Variants in ATP8A2 observed in about 807,000 individuals in gnomAD.
ATP8A2 encodes the protein phospholipid-transporting ATPase IB.
A neutral mutation model predicts 165.6 loss-of-function variants in ATP8A2; 100 were observed. The observed-to-expected ratio is 0.60, with a 90% CI of 0.51 to 0.71. The LOEUF is 0.71. ATP8A2 is among the 30% of genes least tolerant of loss of function. ATP8A2 has a pLI of 0.00. For synonymous variants in ATP8A2, 543 were observed against 548.8 expected, an observed-to-expected ratio of 0.99 and a Z score of 0.15; for missense variants, 1,227 against 1,479.5, an observed-to-expected ratio of 0.83 and a Z score of 2.80.
At chr13:25,613,448 C>T (rs755501063) in intron 24 of ATP8A2, among the ~76,000 whole-genome samples, 9 of 152,190 alleles carry the variant, frequency 5.9e-5, no homozygotes, top group Non-Finnish European at 1.2e-4. Context: ...GTGGTGTGCA[C>T]CTGTAGTCCC....
intron 1 of ATP8A2, among the ~76,000 whole-genome samples, chr13:25,383,795 T>A (rs2032941263): frequency 6.6e-6 from 1 of 152,144 alleles, no homozygotes; most frequent in South Asian, 2.1e-4. Context: ...AGTGACCCTC[T>A]CCAAACAAAA....
At chr13:25,869,960 G>T (rs916909913) in intron 33 of ATP8A2, among the ~76,000 whole-genome samples, 3 of 152,216 alleles carry the variant, frequency 2.0e-5, no homozygotes, top group Admixed American at 1.3e-4. Flanking sequence ...TGTATCCCAG[G>T]TTCTTGCCTT....
chr13:25,785,507 A>G (rs1356501595), intron 27 of ATP8A2, among the ~76,000 whole-genome samples: 1 of 152,056 alleles, frequency 6.6e-6, no homozygotes. Flanking sequence ...TTTCCTTGCT[A>G]AGTTTTCTTT....
intron 24 of ATP8A2, among the ~76,000 whole-genome samples, chr13:25,631,448 C>G (rs538921604): frequency 6.6e-6 from 1 of 152,140 alleles, no homozygotes; most frequent in Admixed American, 6.5e-5. Flanking sequence ...AGGTCTACTC[C>G]AGGTATTTTT....
chr13:25,551,389 G>T lies in ATP8A2; in HGVS notation c.943G>T (p.Val315Leu), dbSNP rs200359090. The T allele has an allele frequency of 4.7e-5, 76 of 1,614,112 alleles. 1 individual carries two copies. In the South Asian group the frequency reaches 7.6e-4, roughly 16 times the overall value. The change falls in exon 11 of 37, where the codon GTG (valine) becomes TTG (leucine). Residue 315 changes from valine to leucine, a missense_variant. This residue lies in a region of ATP8A2 where 356 missense variants were observed against 394.9 expected (regional missense o/e 0.90). Coordinates refer to ENST00000381655, the MANE Select transcript of ATP8A2 (RefSeq NM_016529.6). The stretch of plus-strand genomic sequence containing the variant: ...ATCAAATGTTGAGAAGGTGACTAAC[G>T]TGCAGATCCTGGTGTTGTTTGGCAT... ...KRSNVEKVTN[V>L]QILVLFGILL... is the part of the protein sequence containing the mutation.
intron 25 of ATP8A2, among the ~76,000 whole-genome samples, chr13:25,725,777 A>G (rs2043480558): frequency 6.6e-6 from 1 of 152,122 alleles, no homozygotes; most frequent in Non-Finnish European, 1.5e-5. Context: ...TTTTTGTCTT[A>G]TAGATCAATC....
chr13:25,617,959 A>C (rs896289411), intron 24 of ATP8A2, among the ~76,000 whole-genome samples: 1 of 152,184 alleles, frequency 6.6e-6, no homozygotes, highest in African/African-American at 2.4e-5. Flanking sequence ...ATATTAAATC[A>C]GTGTTAGAAT....
chr13:25,868,795 A>C (rs1952595614), intron 33 of ATP8A2, among the ~76,000 whole-genome samples: 1 of 152,078 alleles, frequency 6.6e-6, no homozygotes, highest in Non-Finnish European at 1.5e-5. Context: ...AGAACCAAAA[A>C]CAAAACTATA....
At chr13:25,743,027 C>G (rs369413632) in intron 25 of ATP8A2, among the ~76,000 whole-genome samples, 1 of 152,082 alleles carries the variant, frequency 6.6e-6, no homozygotes, top group African/African-American at 2.4e-5. Context: ...AAGTCCTAAC[C>G]TGCTAGTACC....
chr13:25,651,665 A>AT (rs2041816391), intron 24 of ATP8A2, among the ~76,000 whole-genome samples: 2 of 152,110 alleles, frequency 1.3e-5, no homozygotes, highest in South Asian at 2.1e-4. Context: ...AGTTTATTAG[A>AT]TTTTTCAAAG....
At chr13:25,839,454 C>T in intron 29 of ATP8A2, 92 bp from the exon 30 acceptor site, 1 of 880,568 alleles carries the variant, frequency 1.1e-6, no homozygotes, top group Non-Finnish European at 1.9e-6. Context: ...AGCGCACGGC[C>T]AGGATCCTTC....
intron 24 of ATP8A2, chr13:25,591,450 TTCAAGGTTCATCCATA>T: frequency 2.3e-6 from 1 of 442,694 alleles, no homozygotes; most frequent in South Asian, 1.6e-5. Context: ...ACATAATGTC[TTCAAGGTTCATCCATA>T]TCGGACCATG....
chr13:25,387,319 C>T (rs530057827), intron 1 of ATP8A2, among the ~76,000 whole-genome samples: 10 of 152,282 alleles, frequency 6.6e-5, no homozygotes, highest in East Asian at 1.9e-4. Context: ...TTTCTTTCTG[C>T]GTGTTTGTAC....
intron 33 of ATP8A2, among the ~76,000 whole-genome samples, chr13:25,937,413 G>C (rs1433885872): frequency 8.9e-6 from 1 of 112,092 alleles, no homozygotes. Context: ...GGTTGTGTTT[G>C]GAAAAATGAA....
intron 28 of ATP8A2, among the ~76,000 whole-genome samples, chr13:25,833,160 A>G (rs959308038): frequency 3.9e-5 from 6 of 152,230 alleles, no homozygotes; most frequent in Non-Finnish European, 7.4e-5. Flanking sequence ...TACATTGCAT[A>G]GGAAAAATGT....
At chr13:25,520,077 A>T (rs1175226287) in intron 2 of ATP8A2, among the ~76,000 whole-genome samples, 1 of 152,192 alleles carries the variant, frequency 6.6e-6, no homozygotes, top group South Asian at 2.1e-4. Flanking sequence ...ATTGTAAACT[A>T]TAGTCACCCT....
At chr13:25,877,028 A>G (rs967747303) in intron 33 of ATP8A2, among the ~76,000 whole-genome samples, 1 of 152,008 alleles carries the variant, frequency 6.6e-6, no homozygotes, top group African/African-American at 2.4e-5. Context: ...ATTTATTTTT[A>G]TTTAAAAAAA....
chr13:25,901,638 C>G (rs142549079), intron 33 of ATP8A2, among the ~76,000 whole-genome samples: 3,211 of 152,196 alleles, frequency 0.021, 47 homozygotes, highest in Non-Finnish European at 0.036. Flanking sequence ...AGAGTAGTTT[C>G]AAAGGCCAGT....
At chr13:25,605,088 A>C (rs1424946846) in intron 24 of ATP8A2, among the ~76,000 whole-genome samples, 1 of 152,236 alleles carries the variant, frequency 6.6e-6, no homozygotes, top group African/African-American at 2.4e-5. Context: ...ATAACAACCT[A>C]CTTTGTTGTG....
Sources: allele counts gnomAD v4.1 joint callset (sites outside exome capture counted in the v4.1 genomes callset), GRCh38; gene constraint gnomAD v4.1.1; regional missense constraint gnomAD v4.1.1; transcripts MANE v1.5; gene names NCBI Gene and HGNC (gene_info 2026-07-23, HGNC 2026-07-21).